EGR3: variants seen among roughly 807,000 people sequenced by gnomAD.
EGR3 encodes the protein early growth response 3.
EGR3 carries 4 observed loss-of-function variants against 22.4 expected under a neutral mutation model. The ratio of observed to expected loss-of-function variants is 0.18; its 90% confidence interval spans 0.09 to 0.41. The LOEUF (loss-of-function observed/expected upper bound fraction) is 0.41. Ranked by LOEUF, EGR3 falls within the 10% of genes least tolerant of loss-of-function variation. The pLI is 1.00. For synonymous variants in EGR3, 219 were observed against 226.8 expected, an observed-to-expected ratio of 0.97 and a Z score of 0.31; for missense variants, 315 against 541.3, an observed-to-expected ratio of 0.58 and a Z score of 4.15.
In EGR3 at chr8:22,693,065, G is replaced by T; in HGVS notation, c.-121C>A. 1 of 1,079,870 alleles carries T rather than the reference G, an allele frequency of 9.3e-7. No individual in the cohort carries two copies. The highest frequency in any genetic ancestry group is 1.2e-6 in the Non-Finnish European group (1 of 801,068). The allele number at this position is 1,079,870 out of a possible 1,614,324, so 66.9% of individuals were successfully genotyped here. A position where few individuals can be genotyped will look rare whatever the true frequency, so the allele number is the denominator to read the frequency against. ...CGTGGTGCAGGGGAAAAGCATGCGAGAGGGAAAGTTCGGGGGGAGGGGGGA... is the reference window on the plus strand; with the variant it reads ...CGTGGTGCAGGGGAAAAGCATGCGATAGGGAAAGTTCGGGGGGAGGGGGGA... On this transcript the variant is annotated 5_prime_UTR_variant, in exon 1 of 2. Coordinates refer to ENST00000317216, the MANE Select transcript of EGR3 (RefSeq NM_004430.3).
chr8:22,690,400 G>T lies in EGR3; in HGVS notation c.*73C>A. ...CGCGGCCCCTACGCCTCCGTGGCTG[G>T]CTTTCCCGCTGCTTTCAGGCTAGCA... is the stretch of plus-strand genomic sequence containing the variant. On this transcript the variant is annotated 3_prime_UTR_variant, in exon 2 of 2. Coordinates refer to ENST00000317216, the MANE Select transcript of EGR3 (RefSeq NM_004430.3). 7.5e-7 allele frequency: 1 copy of T among 1,326,926 alleles called. No individual in the cohort carries two copies. The highest frequency in any genetic ancestry group is 1.0e-6 in the Non-Finnish European group (1 of 975,776). 82.2% of individuals were successfully genotyped at this position (1,326,926 alleles called of 1,614,324 possible). A position where few individuals can be genotyped will look rare whatever the true frequency, so the allele number is the denominator to read the frequency against.
chr8:22,689,314 C>G lies in EGR3; in HGVS notation c.*1159G>C, dbSNP rs1440688357. ...ATGCATATACATACACATACATACACACGCACACCATATACTTATATTTAA... is the reference window on the plus strand; with the variant it reads ...ATGCATATACATACACATACATACAGACGCACACCATATACTTATATTTAA... On this transcript the variant is annotated 3_prime_UTR_variant, in exon 2 of 2. Transcript: ENST00000317216. 2.6e-5 allele frequency: 4 copies of G among 152,740 alleles called. No individual in the cohort carries two copies. The highest frequency in any genetic ancestry group is 5.9e-5 in the Non-Finnish European group (4 of 68,026). The allele number at this position is 152,740 out of a possible 1,614,324, so 9.5% of individuals were successfully genotyped here.
chr8:22,691,919 C>G, intron 1 of EGR3: 1 of 1,232,356 alleles, frequency 8.1e-7, no homozygotes, highest in Non-Finnish European at 1.0e-6. Flanking sequence ...GCGCCTTTCC[C>G]TCCCCGGCGA....
Position 22,690,126 on chromosome 8 carries a change from T to G in EGR3, c.*347A>C. The G allele has an allele frequency of 9.2e-6, 3 of 326,542 alleles. No homozygotes were observed. The highest frequency in any genetic ancestry group is 1.1e-5 in the Non-Finnish European group (2 of 177,206). 20.2% of individuals were successfully genotyped at this position (326,542 alleles called of 1,614,324 possible). ...ATGAGGTGTTTGGGTCGGGCGAGGG[T>G]TGGATGGGCTCCGCCTTCAGTCCCT... On this transcript the variant is annotated 3_prime_UTR_variant, in exon 2 of 2. Transcript: ENST00000317216.
At position 22,690,815 on chromosome 8, in the gene EGR3, G is replaced by T; in HGVS notation, c.822C>A (p.Pro274=). The stretch of plus-strand genomic sequence containing the variant: ...CGCAGCCCTCGGCCGGGCACGCGTG[G>T]GGCCGTTCGTGGAGCGGTGTCTTGC... ...RPSKTPLHER[P]HACPAEGCDR... Residue 274 remains proline (P), a synonymous_variant, in exon 2 of 2, where the codon CCC becomes CCA. Transcript: ENST00000317216. 6.2e-7 allele frequency: 1 copy of T among 1,612,188 alleles called. No homozygotes were observed.
At position 22,693,077 on chromosome 8, in the gene EGR3, G is replaced by T; in HGVS notation, c.-133C>A. On this transcript the variant is annotated 5_prime_UTR_variant, in exon 1 of 2. Coordinates refer to ENST00000317216, the MANE Select transcript of EGR3 (RefSeq NM_004430.3). Reference sequence around the variant, plus strand: ...GAAAAGCATGCGAGAGGGAAAGTTCGGGGGGAGGGGGGAGGGAAGAAGGGA... The same window carrying T: ...GAAAAGCATGCGAGAGGGAAAGTTCTGGGGGAGGGGGGAGGGAAGAAGGGA... 1.7e-6 allele frequency: 2 copies of T among 1,195,240 alleles called. No homozygotes were observed. Among genetic ancestry groups the T allele is most frequent in the Non-Finnish European group, 2.3e-6 (2 of 877,178 alleles). 74.0% of individuals were successfully genotyped at this position (1,195,240 alleles called of 1,614,324 possible).
Position 22,692,880 on chromosome 8 carries a change from T to C in EGR3, c.65A>G (p.Asp22Gly), listed in dbSNP as rs751423090. Residue 22 changes from aspartate (D) to glycine (G), a missense_variant, in exon 1 of 2, where the codon GAC (aspartate) becomes GGC (glycine). Transcript: ENST00000317216. The surrounding 1 kb of genome is among the most constrained non-coding windows in gnomAD (Gnocchi z 6.2). ...TMSSLLNQLP[D>G]NLYPEEIPSA... is the part of the protein sequence containing the mutation. ...GGGGATCTCCTCGGGGTACAGATTG[T>C]CAGGCAGTTGGTTTAGCAAACTGCT... is the stretch of plus-strand genomic sequence containing the variant. 3 of 1,612,988 alleles carry C rather than the reference T, an allele frequency of 1.9e-6. No individual in the cohort carries two copies. The highest frequency in any genetic ancestry group is 2.2e-5 in the South Asian group (2 of 90,986).
At position 22,689,931 on chromosome 8, in the gene EGR3, ACT is replaced by A. The variant is rs1803886074; in HGVS notation, c.*540_*541del. The stretch of plus-strand genomic sequence containing the variant: ...CGCTTGCGCGCGCGCACACACACAC[ACT>A]CACACACACACATACACACACACGC... On this transcript the variant is annotated 3_prime_UTR_variant, in exon 2 of 2. Transcript: ENST00000317216. The A allele has an allele frequency of 6.4e-6, 1 of 155,330 alleles. No homozygotes were observed. Among genetic ancestry groups the A allele is most frequent in the Non-Finnish European group, 1.4e-5 (1 of 70,126 alleles). The allele number at this position is 155,330 out of a possible 1,614,324, so 9.6% of individuals were successfully genotyped here. A position where few individuals can be genotyped will look rare whatever the true frequency, so the allele number is the denominator to read the frequency against.
In EGR3 at chr8:22,690,275, C is replaced by T; in HGVS notation, c.*198G>A. On this transcript the variant is annotated 3_prime_UTR_variant, in exon 2 of 2. Coordinates refer to ENST00000317216, the MANE Select transcript of EGR3 (RefSeq NM_004430.3). Reference sequence around the variant, plus strand: ...AGTGGGGGACCGCGAGGGGAAGGCGCCTCCAGCCCTGGCCCCTGACCGCTG... The same window carrying T: ...AGTGGGGGACCGCGAGGGGAAGGCGTCTCCAGCCCTGGCCCCTGACCGCTG... 5.1e-6 allele frequency: 3 copies of T among 584,790 alleles called. No homozygotes were observed. Among genetic ancestry groups the T allele is most frequent in the Non-Finnish European group, 9.0e-6 (3 of 333,278 alleles). The allele number at this position is 584,790 out of a possible 1,614,324, so 36.2% of individuals were successfully genotyped here. A position where few individuals can be genotyped will look rare whatever the true frequency, so the allele number is the denominator to read the frequency against.
rs1307487287 is a variant in EGR3 at position 22,689,656 on chromosome 8, C to T, written c.*817G>A. The T allele has an allele frequency of 6.6e-6, 1 of 152,596 alleles. No individual in the cohort carries two copies. Among genetic ancestry groups the T allele is most frequent in the African/African-American group, 2.4e-5 (1 of 41,430 alleles). 9.5% of individuals were successfully genotyped at this position (152,596 alleles called of 1,614,324 possible). A position where few individuals can be genotyped will look rare whatever the true frequency, so the allele number is the denominator to read the frequency against. ...CCCCACAGATCAAACTGCCCTGAGG[C>T]CTAAGAGGGAAGCGCTCAGAAAAGG... On this transcript the variant is annotated 3_prime_UTR_variant, in exon 2 of 2. Coordinates refer to ENST00000317216, the MANE Select transcript of EGR3 (RefSeq NM_004430.3).
chr8:22,691,204 G>T lies in EGR3; in HGVS notation c.433C>A (p.Pro145Thr), dbSNP rs750955614. The T allele has an allele frequency of 1.9e-6, 3 of 1,614,008 alleles. No homozygotes were observed. Among genetic ancestry groups the T allele is most frequent in the Non-Finnish European group, 2.5e-6 (3 of 1,179,998 alleles). Residue 145 changes from proline to threonine, a missense_variant, in exon 2 of 2, where the codon CCC becomes ACC. Pro to Thr is a conservative substitution (Grantham distance 38, BLOSUM62 -1). Around this residue, in one of 4 missense-constraint regions of EGR3, gnomAD observed 227 missense variants for 303.6 expected, o/e 0.75. Transcript: ENST00000317216. ...AGGTCGCCGCAGTTGGAGTAGGGGG[G>T]TAGCGCGGGATACATGGCCTCCACG... ...GDVEAMYPAL[P>T]PYSNCGDLYS...
At chr8:22,691,585 G>T (rs967363877) in intron 1 of EGR3, 103 bp from the exon 2 acceptor site, 4 of 1,506,258 alleles carry the variant, frequency 2.7e-6, no homozygotes, top group Non-Finnish European at 3.6e-6. Flanking sequence ...CGGCCGGGTG[G>T]AGTGCGTAGC....
intron 1 of EGR3, chr8:22,691,940 G>A: frequency 8.1e-7 from 1 of 1,235,298 alleles, no homozygotes; most frequent in Non-Finnish European, 1.0e-6. Flanking sequence ...TGCCCCCCAC[G>A]CGCGCTGCTC....
Position 22,692,701 on chromosome 8 carries a change from C to T in EGR3, c.154+90G>A, listed in dbSNP as rs1804012812. 3 of 1,526,140 alleles carry T rather than the reference C, an allele frequency of 2.0e-6. No homozygotes were observed. The highest frequency in any genetic ancestry group is 2.7e-6 in the Non-Finnish European group (3 of 1,126,792). The allele number at this position is 1,526,140 out of a possible 1,614,324, so 94.5% of individuals were successfully genotyped here. On this transcript the variant is annotated intron_variant, in intron 1 of 1. Coordinates refer to ENST00000317216, the MANE Select transcript of EGR3 (RefSeq NM_004430.3). The surrounding 1 kb of genome is among the most constrained non-coding windows in gnomAD (Gnocchi z 6.2). ...CCCATCCATCCATCCATCCATCCATCCATCCATCCATCCATCACCAGGTCG... is the reference window on the plus strand; with the variant it reads ...CCCATCCATCCATCCATCCATCCATTCATCCATCCATCCATCACCAGGTCG...
Position 22,692,423 on chromosome 8 carries a change from C to T in EGR3, c.154+368G>A. The T allele has an allele frequency of 1.4e-6, 2 of 1,432,440 alleles. No homozygotes were observed. Among genetic ancestry groups the T allele is most frequent in the Non-Finnish European group, 1.8e-6 (2 of 1,098,364 alleles). 88.7% of individuals were successfully genotyped at this position (1,432,440 alleles called of 1,614,324 possible). ...GCTCCTCCCGGGAAGAGGGCGACAG[C>T]ACCACGCCTTGCGCGTAGCCCGGCG... On this transcript the variant is annotated intron_variant, in intron 1 of 1. Transcript: ENST00000317216. The surrounding 1 kb of genome is among the most constrained non-coding windows in gnomAD (Gnocchi z 6.2).
Position 22,692,462 on chromosome 8 carries a change from CGTG to C in EGR3, c.154+326_154+328del. ...CGTAGCCCGGCGATCGGGCCCCCTG[CGTG>C]GTGAGGGAGAACCCCAGAGCCGCTC... On this transcript the variant is annotated intron_variant, in intron 1 of 1. Transcript: ENST00000317216. The surrounding 1 kb of genome is among the most constrained non-coding windows in gnomAD (Gnocchi z 6.2). 1.4e-6 allele frequency: 2 copies of C among 1,423,426 alleles called. No individual in the cohort carries two copies. The highest frequency in any genetic ancestry group is 1.8e-6 in the Non-Finnish European group (2 of 1,093,498). The allele number at this position is 1,423,426 out of a possible 1,614,324, so 88.2% of individuals were successfully genotyped here.
rs2128744479 is a variant in EGR3 at position 22,689,035 on chromosome 8, A to G, written c.*1438T>C. ...TACATAGATGTGTATATGTGTATAT[A>G]TGTACACTCACATGTATATGTACAG... On this transcript the variant is annotated 3_prime_UTR_variant, in exon 2 of 2. Coordinates refer to ENST00000317216, the MANE Select transcript of EGR3 (RefSeq NM_004430.3). 6.5e-6 allele frequency: 1 copy of G among 152,798 alleles called. No homozygotes were observed. Among genetic ancestry groups the G allele is most frequent in the East Asian group, 1.9e-4 (1 of 5,194 alleles). 9.5% of individuals were successfully genotyped at this position (152,798 alleles called of 1,614,324 possible).
In EGR3 at chr8:22,691,293, G is replaced by A; in HGVS notation, c.344C>T (p.Pro115Leu). ...LMSAGILGVP[P>L]ASGALSTQTS... is the part of the protein sequence containing the mutation. ...CTGCGTGCTGAGCGCCCCTGAAGCC[G>A]GGGGCACCCCCAAGATGCCGGCGCT... Residue 115 changes from proline to leucine, a missense_variant, in exon 2 of 2, where the codon CCG (proline) becomes CTG (leucine). Physicochemically the swap from Pro to Leu is moderately conservative, Grantham distance 98 (BLOSUM62 -3). Coordinates refer to ENST00000317216, the MANE Select transcript of EGR3 (RefSeq NM_004430.3). 1 of 1,613,744 alleles carries A rather than the reference G, an allele frequency of 6.2e-7. No individual in the cohort carries two copies. The highest frequency in any genetic ancestry group is 8.5e-7 in the Non-Finnish European group (1 of 1,179,832).
chr8:22,691,992 A>G, intron 1 of EGR3: 2 of 1,276,380 alleles, frequency 1.6e-6, no homozygotes, highest in Non-Finnish European at 2.0e-6. Flanking sequence ...TTGTCCTCGG[A>G]GCGTAGAAGG....
Sources: allele counts gnomAD v4.1 joint callset, GRCh38; gene constraint gnomAD v4.1.1; regional missense constraint gnomAD v4.1.1; non-coding constraint Gnocchi (gnomAD v3.1); transcripts MANE v1.5; gene names NCBI Gene and HGNC (gene_info 2026-07-23, HGNC 2026-07-21).